The following FMN1 variants were observed in gnomAD, a reference collection of about 807,000 sequenced individuals.
FMN1 encodes formin 1, also known as formin-1.
In FMN1, 110 loss-of-function variants were observed where a neutral mutation model predicts 132.4. The observed-to-expected ratio is 0.83, with a 90% CI of 0.71 to 0.97. FMN1 has a LOEUF of 0.97. FMN1 is among the 50% of genes least tolerant of loss of function. FMN1 has a pLI of 0.00. For synonymous variants in FMN1, 722 were observed against 651.7 expected (o/e 1.11, Z -1.64); for missense variants, 1,792 against 1,705.3 (o/e 1.05, Z -0.90).
At chr15:32,915,944 G>T (rs912355138) in intron 10 of FMN1, among the ~76,000 whole-genome samples, 2 of 152,322 alleles carry the variant, frequency 1.3e-5, no homozygotes, top group South Asian at 2.1e-4. Context: ...TTAAAAATCT[G>T]TTACTTGGTC....
chr15:33,167,989 T>A (rs1465538155), intron 3 of FMN1, among the ~76,000 whole-genome samples: 3 of 152,114 alleles, frequency 2.0e-5, no homozygotes, highest in East Asian at 3.9e-4. Context: ...TTGAAAAAAA[T>A]TCACGTAAAA....
At chr15:33,172,162 C>T (rs1457013914) in intron 3 of FMN1, among the ~76,000 whole-genome samples, 1 of 151,376 alleles carries the variant, frequency 6.6e-6, no homozygotes, top group Non-Finnish European at 1.5e-5. Context: ...GAGCCGAGAT[C>T]GCGCCACTGC....
intron 6 of FMN1, chr15:33,064,665 G>A (rs914734540): frequency 1.4e-5 from 3 of 220,164 alleles, no homozygotes; most frequent in Admixed American, 5.8e-5. Context: ...ACCAACCACC[G>A]GCTTCCTGAG....
At chr15:33,168,918 T>C (rs1404760456) in intron 3 of FMN1, among the ~76,000 whole-genome samples, 1 of 152,224 alleles carries the variant, frequency 6.6e-6, no homozygotes, top group Non-Finnish European at 1.5e-5. Flanking sequence ...TAAAAAGTGG[T>C]GCCGCCTTGG....
intron 16 of FMN1, among the ~76,000 whole-genome samples, chr15:32,883,232 G>T (rs2059812540): frequency 6.6e-6 from 1 of 152,140 alleles, no homozygotes; most frequent in Non-Finnish European, 1.5e-5. Flanking sequence ...AGGTCCAGTG[G>T]TGGCTCATGC....
Position 32,779,012 on chromosome 15 carries a change from C to T in FMN1, c.4131-2093G>A, listed in dbSNP as rs60285654. Among the ~76,000 whole-genome samples the T allele has an allele frequency of 5.0e-3, 764 of 152,256 alleles. 8 individuals are homozygous for T. The highest frequency in any genetic ancestry group is 0.017 in the African/African-American group (725 of 41,546). ...GGAATGAATTTGCTGATACATGCTA[C>T]AACATGGATGTACCTCAAAAACATT... On this transcript the variant is annotated intron_variant, in intron 19 of 20. Transcript: ENST00000616417.
chr15:32,840,083 T>C (rs1220280332), intron 17 of FMN1, among the ~76,000 whole-genome samples: 3 of 152,110 alleles, frequency 2.0e-5, no homozygotes, highest in Non-Finnish European at 2.9e-5. Flanking sequence ...AGCCCTGAAA[T>C]CCAAAGCAGA....
intron 6 of FMN1, among the ~76,000 whole-genome samples, chr15:33,019,448 G>A (rs1419126187): frequency 6.6e-6 from 1 of 152,220 alleles, no homozygotes; most frequent in East Asian, 1.9e-4. Context: ...CACCGGGGCC[G>A]CAGGTGGAGC....
At position 33,066,651 on chromosome 15, in the gene FMN1, G is replaced by A. The variant is rs777995287; in HGVS notation, c.2044-1577C>T. 11 of 1,613,716 alleles carry A rather than the reference G, an allele frequency of 6.8e-6. No homozygotes were observed. In the East Asian group the frequency reaches 2.2e-4, roughly 33 times the overall value. ...TCAGCTGTGGTCCCCTTTCTGGGGG[G>A]CCGGATGAATAGGGCTTTAAAAGCC... On this transcript the variant is annotated intron_variant, in intron 5 of 20. Transcript: ENST00000616417.
intron 7 of FMN1, among the ~76,000 whole-genome samples, chr15:32,999,550 C>G (rs141255616): frequency 8.5e-4 from 130 of 152,348 alleles, no homozygotes; most frequent in African/African-American, 2.9e-3. Context: ...GTGGGAGTTA[C>G]CAAACTAGAA....
intron 7 of FMN1, among the ~76,000 whole-genome samples, chr15:32,993,917 G>GGGGT (rs2033601880): frequency 6.8e-6 from 1 of 147,804 alleles, no homozygotes; most frequent in Non-Finnish European, 1.5e-5. Context: ...CGGGGTGGGG[G>GGGGT]GGGTCTTTTG....
At chr15:33,099,682 T>C (rs2039220439) in intron 4 of FMN1, among the ~76,000 whole-genome samples, 2 of 152,238 alleles carry the variant, frequency 1.3e-5, no homozygotes, top group Admixed American at 6.5e-5. Flanking sequence ...TGTGTTGATA[T>C]ATTTGGTAGG....
At chr15:33,187,749 C>T (rs1965935859) in intron 2 of FMN1, among the ~76,000 whole-genome samples, 1 of 152,102 alleles carries the variant, frequency 6.6e-6, no homozygotes, top group Non-Finnish European at 1.5e-5. Flanking sequence ...TGACACAACT[C>T]TGGGGGGTGG....
chr15:32,899,757 T>C (rs1445683750), intron 14 of FMN1: 13 of 580,030 alleles, frequency 2.2e-5, no homozygotes, highest in Non-Finnish European at 3.9e-5. Context: ...AAGATGGGAA[T>C]TGAGTAATTG....
Position 32,969,495 on chromosome 15 carries a change from G to A in FMN1, c.2224-18C>T. ...AACTGTGCCTATAGGAAAATTCAGA[G>A]GGAAAGAAAGTAATGAGTTTATTAA... On this transcript the variant is annotated intron_variant, in intron 7 of 20. Transcript: ENST00000616417. 1 of 1,608,144 alleles carries A rather than the reference G, an allele frequency of 6.2e-7. No individual in the cohort carries two copies. Among genetic ancestry groups the A allele is most frequent in the Non-Finnish European group, 8.5e-7 (1 of 1,177,204 alleles).
intron 6 of FMN1, among the ~76,000 whole-genome samples, chr15:33,026,441 T>C (rs961395102): frequency 1.2e-4 from 7 of 59,320 alleles, no homozygotes; most frequent in Non-Finnish European, 2.7e-4. Context: ...CACACACACT[T>C]CTGTTTATAA....
intron 7 of FMN1, among the ~76,000 whole-genome samples, chr15:32,993,720 G>C (rs557360077): frequency 4.1e-4 from 62 of 152,164 alleles, no homozygotes; most frequent in Non-Finnish European, 6.9e-4. Flanking sequence ...CATGGTTCCA[G>C]TTTCAGCAGA....
intron 17 of FMN1, among the ~76,000 whole-genome samples, chr15:32,813,235 C>G (rs139703850): frequency 6.6e-6 from 1 of 152,288 alleles, no homozygotes; most frequent in East Asian, 1.9e-4. Context: ...CAATCCTCCA[C>G]GGATACTGAG....
intron 4 of FMN1, among the ~76,000 whole-genome samples, chr15:33,118,605 G>A (rs2040017162): frequency 6.6e-6 from 1 of 152,076 alleles, no homozygotes; most frequent in African/African-American, 2.4e-5. Context: ...AGTTCCTGTA[G>A]GAAACAAGAA....
Sources: gnomAD v4.1 joint callset for allele counts (sites outside exome capture counted in the v4.1 genomes callset) on GRCh38, gnomAD v4.1.1 for gene constraint, MANE v1.5 for transcripts, NCBI Gene and HGNC (gene_info 2026-07-23, HGNC 2026-07-21) for gene names.